Variants in FNDC1 observed in about 807,000 individuals in gnomAD.
The protein encoded by FNDC1 is fibronectin type III domain containing 1, also known as fibronectin type III domain-containing protein 1.
In FNDC1, 96 loss-of-function variants were observed where a neutral mutation model predicts 168.0. The observed-to-expected ratio is 0.57, with a 90% CI of 0.48 to 0.68. The LOEUF (loss-of-function observed/expected upper bound fraction) is 0.68, where lower values mean the gene tolerates loss of function less well. FNDC1 is among the 30% of genes least tolerant of loss of function. The pLI is 0.00. For synonymous variants in FNDC1, 1,099 were observed against 1,025.9 expected (o/e 1.07, Z -1.36); for missense variants, 2,587 against 2,482.1 (o/e 1.04, Z -0.90).
At chr6:159,200,817 G>T (rs773361128) in intron 4 of FNDC1, among the ~76,000 whole-genome samples, 2 of 152,226 alleles carry the variant, frequency 1.3e-5, no homozygotes, top group African/African-American at 4.8e-5. Context: ...AAGTGTCTGC[G>T]TCTACATCTG....
At chr6:159,181,080 T>A (rs748678787) in intron 1 of FNDC1, among the ~76,000 whole-genome samples, 25 of 152,244 alleles carry the variant, frequency 1.6e-4, no homozygotes, top group Non-Finnish European at 3.2e-4. Context: ...ATGGTTGAAC[T>A]AATTTACATT....
rs1009853915 is a variant in FNDC1 at position 159,232,130 on chromosome 6, A to G, written c.1618A>G (p.Ile540Val). The G allele has an allele frequency of 6.2e-7, 1 of 1,613,948 alleles. No homozygotes were observed. The highest frequency in any genetic ancestry group is 1.6e-4 in the Middle Eastern group (1 of 6,062). Reference protein sequence around the residue: ...AEELDLQSTEITGEEELGSRE... With the variant: ...AEELDLQSTEVTGEEELGSRE... ...GGAGCTGGATCTTCAGTCGACAGAA[A>G]TCACTGGGGAGGAGGAGCTGGGTTC... is the stretch of plus-strand genomic sequence containing the variant. Residue 540 changes from isoleucine (I) to valine (V), a missense_variant, in exon 11 of 23, where the codon ATC becomes GTC. Ile to Val is a conservative substitution (Grantham distance 29). Transcript: ENST00000297267. The surrounding 1 kb of genome is among the most constrained non-coding windows in gnomAD (Gnocchi z 4.9).
chr6:159,230,359 C>T (rs1783055408), intron 10 of FNDC1, among the ~76,000 whole-genome samples: 1 of 152,060 alleles, frequency 6.6e-6, no homozygotes, highest in Admixed American at 6.6e-5. Context: ...TTCTATGTAG[C>T]TTTAAAAATG....
intron 1 of FNDC1, among the ~76,000 whole-genome samples, chr6:159,195,802 C>T (rs1427059328): frequency 3.3e-5 from 5 of 152,166 alleles, no homozygotes; most frequent in African/African-American, 7.2e-5. Flanking sequence ...TTAGGTTTTA[C>T]AGTTCTCACA....
chr6:159,181,296 T>G (rs1781872889), intron 1 of FNDC1, among the ~76,000 whole-genome samples: 1 of 152,164 alleles, frequency 6.6e-6, no homozygotes. Flanking sequence ...ACAGCTCAGA[T>G]GAGGAAGGGA....
intron 20 of FNDC1, among the ~76,000 whole-genome samples, chr6:159,265,420 A>G (rs1326408895): frequency 6.6e-6 from 1 of 152,212 alleles, no homozygotes; most frequent in Non-Finnish European, 1.5e-5. Flanking sequence ...AGTGGAGTCT[A>G]TGCAGAGGGA....
chr6:159,226,186 C>A (rs149037935), intron 8 of FNDC1, among the ~76,000 whole-genome samples: 41 of 152,266 alleles, frequency 2.7e-4, no homozygotes, highest in African/African-American at 9.4e-4. Context: ...GAAGTTGGAA[C>A]TGGATCTTAA....
intron 14 of FNDC1, 38 bp from the exon 15 acceptor site, chr6:159,246,863 A>C: frequency 7.0e-7 from 1 of 1,433,624 alleles, no homozygotes; most frequent in South Asian, 1.1e-5. Flanking sequence ...CTGGAGAAGG[A>C]GCGCTGGATG....
At chr6:159,174,238 C>T (rs1304404287) in intron 1 of FNDC1, among the ~76,000 whole-genome samples, 1 of 152,198 alleles carries the variant, frequency 6.6e-6, no homozygotes, top group African/African-American at 2.4e-5. Flanking sequence ...CGCTGGGGGA[C>T]AGTGGTGGAT....
chr6:159,184,873 A>C (rs1319299929), intron 1 of FNDC1, among the ~76,000 whole-genome samples: 3 of 152,150 alleles, frequency 2.0e-5, no homozygotes, highest in Non-Finnish European at 4.4e-5. Context: ...AATTCCACAA[A>C]AACCTGCAAA....
chr6:159,207,868 C>A (rs1318645929), intron 4 of FNDC1, among the ~76,000 whole-genome samples: 1 of 152,230 alleles, frequency 6.6e-6, no homozygotes, highest in Non-Finnish European at 1.5e-5. Context: ...ACTCTTTGAA[C>A]TGACGTCTGG....
chr6:159,236,441 A>C, intron 12 of FNDC1, 126 bp downstream of exon 12: 1 of 666,536 alleles, frequency 1.5e-6, no homozygotes, highest in East Asian at 2.7e-5. Flanking sequence ...TTAACTACTT[A>C]TATGTACTTG....
chr6:159,235,196 C>G (rs1165297961), intron 11 of FNDC1, among the ~76,000 whole-genome samples: 1 of 152,184 alleles, frequency 6.6e-6, no homozygotes, highest in Non-Finnish European at 1.5e-5. Context: ...CCGCTATGAA[C>G]TGGAATTTAT....
At chr6:159,196,391 G>A (rs79047933) in intron 1 of FNDC1, among the ~76,000 whole-genome samples, 2,723 of 152,216 alleles carry the variant, frequency 0.018, 27 homozygotes, top group Non-Finnish European at 0.028. Context: ...GGCAATTTTG[G>A]GAGGAGTGAT....
intron 5 of FNDC1, among the ~76,000 whole-genome samples, chr6:159,216,318 G>A (rs1286574971): frequency 6.6e-6 from 1 of 152,180 alleles, no homozygotes; most frequent in Non-Finnish European, 1.5e-5. Context: ...CCATCACACA[G>A]GCCATCCTCC....
chr6:159,185,067 T>TAG lies in FNDC1; in HGVS notation c.110-12364_110-12363insAG, dbSNP rs543751210. Among the ~76,000 whole-genome samples, 19 of 66,994 alleles carry TAG rather than the reference T, an allele frequency of 2.8e-4. 1 individual carries two copies. The highest frequency in any genetic ancestry group is 2.2e-3 in the Admixed American group (12 of 5,474). 44.0% of individuals were successfully genotyped at this position (66,994 alleles called of 152,430 possible). ...GAAAGCTGGTGGTTTATATGGAGGG[T>TAG]GGGGGGGGGGGAATCTTGTTTTTGC... On this transcript the variant is annotated intron_variant, in intron 1 of 22. Coordinates refer to ENST00000297267, the MANE Select transcript of FNDC1 (RefSeq NM_032532.3).
intron 5 of FNDC1, among the ~76,000 whole-genome samples, chr6:159,221,086 T>G (rs1782812655): frequency 6.6e-6 from 1 of 152,252 alleles, no homozygotes; most frequent in Admixed American, 6.5e-5. Flanking sequence ...TTGAGGATTT[T>G]AGTTTTGAAG....
chr6:159,267,310 T>C (rs1777612344), intron 21 of FNDC1, among the ~76,000 whole-genome samples: 1 of 152,122 alleles, frequency 6.6e-6, no homozygotes, highest in African/African-American at 2.4e-5. Context: ...TAACCATGTG[T>C]CATATCCCAG....
chr6:159,263,975 A>G (rs183757813), intron 19 of FNDC1, among the ~76,000 whole-genome samples: 1 of 151,394 alleles, frequency 6.6e-6, no homozygotes, highest in East Asian at 1.9e-4. Flanking sequence ...AACAAACAAA[A>G]AAAGAACTTT....
Sources: gnomAD v4.1 joint callset for allele counts (sites outside exome capture counted in the v4.1 genomes callset) on GRCh38, gnomAD v4.1.1 for gene constraint, Gnocchi (gnomAD v3.1) non-coding constraint, MANE v1.5 for transcripts, NCBI Gene and HGNC (gene_info 2026-07-23, HGNC 2026-07-21) for gene names.